CSMD2: variants seen among roughly 807,000 people sequenced by gnomAD.
CSMD2 encodes CUB and Sushi multiple domains 2, also known as CUB and sushi domain-containing protein 2.
CSMD2 carries 130 observed loss-of-function variants against 398.5 expected under a neutral mutation model. The observed-to-expected ratio is 0.33, with a 90% CI of 0.28 to 0.38. CSMD2 has a LOEUF of 0.38. Ranked by LOEUF, CSMD2 falls within the 10% of genes least tolerant of loss-of-function variation. CSMD2 has a pLI of 1.00. For missense variants in CSMD2, 3,829 were observed against 4,764.9 expected (o/e 0.80, Z 5.78); for synonymous variants, 1,828 against 1,908.5 (o/e 0.96, Z 1.10).
intron 2 of CSMD2, among the ~76,000 whole-genome samples, chr1:34,037,404 G>A (rs1651282319): frequency 6.6e-6 from 1 of 152,180 alleles, no homozygotes; most frequent in Admixed American, 6.5e-5. Context: ...CTGTTGACTT[G>A]CCCATGCACC....
At chr1:33,783,559 C>T (rs12141105) in intron 12 of CSMD2, among the ~76,000 whole-genome samples, 2 of 151,750 alleles carry the variant, frequency 1.3e-5, no homozygotes, top group Non-Finnish European at 2.9e-5. Context: ...AAGCCCTCAT[C>T]AGAAACCAAA....
chr1:33,579,379 C>A (rs559399169), intron 48 of CSMD2, among the ~76,000 whole-genome samples: 4 of 152,272 alleles, frequency 2.6e-5, no homozygotes, highest in African/African-American at 9.6e-5. Flanking sequence ...GACATTGGGG[C>A]ACTCAGTCAT....
chr1:33,789,523 G>T (rs1653973335), intron 11 of CSMD2, among the ~76,000 whole-genome samples: 1 of 152,156 alleles, frequency 6.6e-6, no homozygotes, highest in Admixed American at 6.5e-5. Context: ...GTGCAGGCTG[G>T]GATTTCCAGA....
chr1:33,996,730 T>A (rs1646738832), intron 3 of CSMD2, among the ~76,000 whole-genome samples: 1 of 149,908 alleles, frequency 6.7e-6, no homozygotes, highest in Non-Finnish European at 1.5e-5. Context: ...CTGGAACCGA[T>A]TCTACGAAGC....
rs888257633 is a variant in CSMD2, at chr1:33,521,505, C to T, written c.10555G>A (p.Val3519Ile). The change falls in exon 68 of 71, where the codon GTC becomes ATC. Residue 3519 changes from valine (V) to isoleucine (I), a missense_variant. Physicochemically the swap from Val to Ile is conservative, Grantham distance 29. Around this residue, in one of 5 missense-constraint regions of CSMD2, gnomAD observed 917 missense variants for 1,199.5 expected, o/e 0.76. Transcript: ENST00000373381. ...AACTGCCCAAAGCCTTGGCCCTTGA[C>T]AGAGCCTTGGTAGATGAAGGTGGCT... ...SGATFIYQGSVKGQGFGQFGF... is the reference protein window; with the variant it reads ...SGATFIYQGSIKGQGFGQFGF... 3 of 1,613,688 alleles carry T rather than the reference C, an allele frequency of 1.9e-6. No individual in the cohort carries two copies. In the African/African-American group the frequency reaches 4.0e-5, roughly 22 times the overall value.
Position 34,032,626 on chromosome 1 carries a change from A to C in CSMD2, c.485T>G (p.Val162Gly). 1 of 1,599,766 alleles carries C rather than the reference A, an allele frequency of 6.3e-7. No individual in the cohort carries two copies. The highest frequency in any genetic ancestry group is 8.5e-7 in the Non-Finnish European group (1 of 1,173,460). ...GGTGGCGTGGAAGCCTTGGGCACTGACTGCATAGTCGCTGATGAGGCGCAG... is the reference window on the plus strand; with the variant it reads ...GGTGGCGTGGAAGCCTTGGGCACTGCCTGCATAGTCGCTGATGAGGCGCAG... ...LSLRLISDYA[V>G]SAQGFHATYE... Residue 162 changes from valine to glycine, a missense_variant, in exon 3 of 71, where the codon GTC becomes GGC. Val to Gly is a moderately radical substitution (Grantham distance 109). Around this residue, in one of 5 missense-constraint regions of CSMD2, gnomAD observed 184 missense variants for 217.7 expected, o/e 0.85. Transcript: ENST00000373381.
intron 3 of CSMD2, among the ~76,000 whole-genome samples, chr1:33,974,186 C>T (rs1027876444): frequency 3.9e-5 from 6 of 152,324 alleles, no homozygotes; most frequent in South Asian, 2.1e-4. Flanking sequence ...CAAACATCCC[C>T]GGTATATCAA....
chr1:33,971,964 A>G (rs909059619), intron 3 of CSMD2, among the ~76,000 whole-genome samples: 1 of 152,220 alleles, frequency 6.6e-6, no homozygotes, highest in African/African-American at 2.4e-5. Flanking sequence ...TATAATATTG[A>G]TATTTCCATC....
intron 28 of CSMD2, among the ~76,000 whole-genome samples, chr1:33,647,188 C>G (rs1238722759): frequency 6.6e-6 from 1 of 152,182 alleles, no homozygotes; most frequent in Non-Finnish European, 1.5e-5. Context: ...ACTCTCTTAC[C>G]TGACACTAAT....
intron 3 of CSMD2, among the ~76,000 whole-genome samples, chr1:33,964,532 T>C (rs190536182): frequency 5.3e-5 from 8 of 152,340 alleles, no homozygotes. Context: ...AAGTTTTGTA[T>C]ATTCCAGGTT....
intron 2 of CSMD2, among the ~76,000 whole-genome samples, chr1:34,064,585 G>A (rs890062962): frequency 4.6e-5 from 7 of 152,022 alleles, no homozygotes; most frequent in Non-Finnish European, 7.4e-5. Flanking sequence ...TTTCAAAGCC[G>A]TTCAACAAAC....
chr1:34,000,759 C>T (rs1010883462), intron 3 of CSMD2, among the ~76,000 whole-genome samples: 1 of 152,184 alleles, frequency 6.6e-6, no homozygotes, highest in Non-Finnish European at 1.5e-5. Flanking sequence ...CAGAAAACCA[C>T]TGTTGTCTAA....
At chr1:34,033,292 T>C (rs921998502) in intron 2 of CSMD2, among the ~76,000 whole-genome samples, 2 of 152,238 alleles carry the variant, frequency 1.3e-5, no homozygotes, top group African/African-American at 4.8e-5. Flanking sequence ...ATAGATGGAA[T>C]CATATTCAAT....
At chr1:33,914,493 CTCAG>C (rs1381884647) in intron 5 of CSMD2, among the ~76,000 whole-genome samples, 28 of 152,108 alleles carry the variant, frequency 1.8e-4, no homozygotes, top group Admixed American at 1.7e-3. Context: ...GGTTGTAACC[CTCAG>C]TCAGTCCAAG....
At chr1:33,955,861 T>C (rs938691370) in intron 3 of CSMD2, among the ~76,000 whole-genome samples, 3 of 152,308 alleles carry the variant, frequency 2.0e-5, no homozygotes, top group South Asian at 2.1e-4. Flanking sequence ...CATTCAAACA[T>C]CCCACTTACA....
chr1:33,753,468 C>T (rs1286778603), intron 13 of CSMD2, among the ~76,000 whole-genome samples: 1 of 152,224 alleles, frequency 6.6e-6, no homozygotes, highest in East Asian at 1.9e-4. Context: ...TGTGGGTGCA[C>T]AGCATGCAAG....
intron 22 of CSMD2, among the ~76,000 whole-genome samples, chr1:33,705,791 C>T (rs1263600858): frequency 1.3e-5 from 2 of 151,894 alleles, no homozygotes; most frequent in Non-Finnish European, 2.9e-5. Flanking sequence ...GGCTGGAGTG[C>T]AGTGGCGTGA....
chr1:33,712,895 G>A (rs143637979), intron 21 of CSMD2, among the ~76,000 whole-genome samples: 4 of 152,070 alleles, frequency 2.6e-5, no homozygotes. Flanking sequence ...TAAACCCTGG[G>A]GTTATTTAAT....
chr1:33,890,175 G>A (rs1390618444), intron 5 of CSMD2, among the ~76,000 whole-genome samples: 7 of 150,036 alleles, frequency 4.7e-5, no homozygotes, highest in South Asian at 2.1e-4. Flanking sequence ...TATAATACTC[G>A]TCTGCTTTTG....
Sources: gnomAD v4.1 joint callset for allele counts (sites outside exome capture counted in the v4.1 genomes callset) on GRCh38, gnomAD v4.1.1 for gene constraint, gnomAD v4.1.1 regional missense constraint, MANE v1.5 for transcripts, NCBI Gene and HGNC (gene_info 2026-07-23, HGNC 2026-07-21) for gene names.